The following TMEM145 variants were observed in gnomAD, a reference collection of about 807,000 sequenced individuals.
The protein encoded by TMEM145 is transmembrane protein 145.
TMEM145 carries 46 observed loss-of-function variants against 68.5 expected under a neutral mutation model. The observed-to-expected ratio is 0.67, with a 90% CI of 0.53 to 0.86. The LOEUF is 0.86. Ranked by LOEUF, TMEM145 falls within the 40% of genes least tolerant of loss-of-function variation. The pLI, the probability that TMEM145 is intolerant of heterozygous loss-of-function variation, is 0.00. For missense variants in TMEM145, 570 were observed against 645.8 expected (o/e 0.88, Z 1.27); for synonymous variants, 255 against 280.2 (o/e 0.91, Z 0.90).
rs554092170 is a variant in TMEM145 at position 42,324,841 on chromosome 19, G to T, written c.*24G>T. 4 of 1,526,508 alleles carry T rather than the reference G, an allele frequency of 2.6e-6. No homozygotes were observed. The South Asian group carries it at 3.7e-5, about 14-fold the overall frequency. The allele number at this position is 1,526,508 out of a possible 1,614,324, so 94.6% of individuals were successfully genotyped here. On this transcript the variant is annotated 3_prime_UTR_variant, in exon 15 of 15. Transcript: ENST00000301204. Reference sequence around the variant, plus strand: ...GACCCCGCTGGACTCCGGAACACCCGTGGTGACCGCCGGGACCCTGCCTGT... The same window carrying T: ...GACCCCGCTGGACTCCGGAACACCCTTGGTGACCGCCGGGACCCTGCCTGT...
At chr19:42,322,889 T>G (rs1599989994) in intron 13 of TMEM145, among the ~76,000 whole-genome samples, 1 of 152,034 alleles carries the variant, frequency 6.6e-6, no homozygotes, top group Non-Finnish European at 1.5e-5. Flanking sequence ...TTAGTAGAGA[T>G]GGAGTTTCAC....
chr19:42,315,179 A>C lies in TMEM145; in HGVS notation c.506-9A>C, dbSNP rs1302377058. The C allele has an allele frequency of 6.2e-7, 1 of 1,611,466 alleles. No homozygotes were observed. Among genetic ancestry groups the C allele is most frequent in the Non-Finnish European group, 8.5e-7 (1 of 1,178,132 alleles). The stretch of plus-strand genomic sequence containing the variant: ...TGAATGAACCTTACTCCTCCTACCA[A>C]ATCGGCAGGGATCCTGGAGACAGAT... On this transcript the variant is annotated splice_polypyrimidine_tract_variant and intron_variant, in intron 6 of 14. Transcript: ENST00000301204.
intron 14 of TMEM145, 147 bp downstream of exon 14, chr19:42,323,936 C>A: frequency 1.4e-6 from 1 of 707,868 alleles, no homozygotes; most frequent in Non-Finnish European, 2.2e-6. Flanking sequence ...CAACACCGCG[C>A]CGCGACCGTC....
chr19:42,315,541 C>A, intron 8 of TMEM145, 101 bp downstream of exon 8: 1 of 1,303,270 alleles, frequency 7.7e-7, no homozygotes, highest in Non-Finnish European at 1.1e-6. Context: ...ACTCCTGGGT[C>A]CTGGGGGAGG....
chr19:42,324,446 C>T, intron 14 of TMEM145: 6 of 985,418 alleles, frequency 6.1e-6, no homozygotes, highest in Non-Finnish European at 7.2e-6. Context: ...GCCGCTCGTG[C>T]CCCAGACGGC....
Position 42,320,426 on chromosome 19 carries a change from G to A in TMEM145, c.1183G>A (p.Gly395Ser), listed in dbSNP as rs2147421436. ...IQLGIHLYAH[G>S]VFLIMTRPSA... ...GCTGGGGATCCACTTGTACGCCCAT[G>A]GCGTGTTTCTGGTGAGGATGGGCAT... The change falls in exon 13 of 15, where the codon GGC becomes AGC. Residue 395 changes from glycine to serine, a missense_variant. Physicochemically the swap from Gly to Ser is moderately conservative, Grantham distance 56. Coordinates refer to ENST00000301204, the MANE Select transcript of TMEM145 (RefSeq NM_173633.3). The A allele has an allele frequency of 1.2e-6, 2 of 1,613,972 alleles. No homozygotes were observed. The highest frequency in any genetic ancestry group is 1.7e-6 in the Non-Finnish European group (2 of 1,180,020).
At chr19:42,319,679 C>A (rs1170931559) in intron 12 of TMEM145, among the ~76,000 whole-genome samples, 2 of 151,804 alleles carry the variant, frequency 1.3e-5, no homozygotes, top group Admixed American at 6.6e-5. Context: ...AACTCCTGAC[C>A]TCAGGTGATC....
chr19:42,324,989 C>A lies in TMEM145; in HGVS notation c.*172C>A. 8.9e-7 allele frequency: 1 copy of A among 1,121,620 alleles called. No homozygotes were observed. The highest frequency in any genetic ancestry group is 1.6e-5 in the African/African-American group (1 of 61,892). 69.5% of individuals were successfully genotyped at this position (1,121,620 alleles called of 1,614,324 possible). ...TCTGCCGCATCTCCATTCCGGGGGC[C>A]TTCCCTCGGGTCCCTGGCAGAAAGA... On this transcript the variant is annotated 3_prime_UTR_variant, in exon 15 of 15. Transcript: ENST00000301204.
At chr19:42,318,450 C>T (rs1030792919) in intron 12 of TMEM145, among the ~76,000 whole-genome samples, 1 of 151,224 alleles carries the variant, frequency 6.6e-6, no homozygotes, top group Non-Finnish European at 1.5e-5. Flanking sequence ...CTTTGGGAGG[C>T]CAAGGCGGGT....
Position 42,316,723 on chromosome 19 carries a change from G to T in TMEM145, c.789G>T (p.Lys263Asn). 1 of 1,613,700 alleles carries T rather than the reference G, an allele frequency of 6.2e-7. No homozygotes were observed. Among genetic ancestry groups the T allele is most frequent in the Non-Finnish European group, 8.5e-7 (1 of 1,179,990 alleles). ...TGCTGATGCTTATCCTCCTGGGGAA[G>T]GGATTCACGGTGACACGGTGCCCGG... ...IFLLMLILLG[K>N]GFTVTRGRIS... The change falls in exon 10 of 15, where the codon AAG becomes AAT. Residue 263 changes from lysine to asparagine, a missense_variant. Physicochemically the swap from Lys to Asn is moderately conservative, Grantham distance 94. Transcript: ENST00000301204.
chr19:42,318,367 C>CAAA (rs112206821), intron 12 of TMEM145, among the ~76,000 whole-genome samples: 3 of 66,864 alleles, frequency 4.5e-5, no homozygotes, highest in Non-Finnish European at 5.9e-5. Flanking sequence ...GACTCCATCT[C>CAAA]AAAAAAAAAA....
intron 13 of TMEM145, chr19:42,321,383 G>GT: frequency 7.2e-6 from 2 of 279,470 alleles, no homozygotes; most frequent in Non-Finnish European, 1.3e-5. Flanking sequence ...GCCCGGTTAA[G>GT]TGGTTTTTTT....
At chr19:42,317,647 TC>T (rs2038871546) in intron 11 of TMEM145, 61 bp from the exon 12 acceptor site, 1 of 1,576,274 alleles carries the variant, frequency 6.3e-7, no homozygotes, top group Admixed American at 1.7e-5. Flanking sequence ...AGGGGTGGGG[TC>T]CGGGGACCCT....
chr19:42,322,293 T>G (rs1264203289), intron 13 of TMEM145, among the ~76,000 whole-genome samples: 1 of 152,158 alleles, frequency 6.6e-6, no homozygotes, highest in Non-Finnish European at 1.5e-5. Context: ...ACCAGTGGTT[T>G]TCATTTCCAC....
chr19:42,320,821 G>A (rs1299230862), intron 13 of TMEM145, among the ~76,000 whole-genome samples: 1 of 152,038 alleles, frequency 6.6e-6, no homozygotes, highest in Non-Finnish European at 1.5e-5. Context: ...TAAAGGCAGG[G>A]TTTCACCATG....
chr19:42,320,876 G>A (rs572871201), intron 13 of TMEM145, among the ~76,000 whole-genome samples: 6 of 152,152 alleles, frequency 3.9e-5, no homozygotes, highest in Admixed American at 2.0e-4. Context: ...TGATCCACCC[G>A]TCTCAGCCTC....
chr19:42,316,364 A>G, intron 8 of TMEM145, 117 bp from the exon 9 acceptor site: 1 of 942,510 alleles, frequency 1.1e-6, no homozygotes, highest in Non-Finnish European at 1.7e-6. Context: ...TCGGGGTAGA[A>G]GGTCTGGAGT....
intron 11 of TMEM145, among the ~76,000 whole-genome samples, chr19:42,317,295 T>C (rs2038868681): frequency 6.6e-6 from 1 of 152,236 alleles, no homozygotes; most frequent in Non-Finnish European, 1.5e-5. Context: ...CCCCTGTCTC[T>C]GGGCCCATTT....
Position 42,316,867 on chromosome 19 carries a change from C to T in TMEM145, c.807-3C>T, listed in dbSNP as rs927931938. On this transcript the variant is annotated splice_region_variant and splice_polypyrimidine_tract_variant and intron_variant, in intron 10 of 14. Transcript: ENST00000301204. ...GCTGTCTCCCCTCATGGCCTGCTGCCAGGGGCCGCATCAGCCACGCGGGCT... is the reference window on the plus strand; with the variant it reads ...GCTGTCTCCCCTCATGGCCTGCTGCTAGGGGCCGCATCAGCCACGCGGGCT... The T allele has an allele frequency of 1.9e-6, 3 of 1,613,078 alleles. No individual in the cohort carries two copies. In the African/African-American group the frequency reaches 4.0e-5, roughly 22 times the overall value.
Sources: gnomAD v4.1 joint callset for allele counts (sites outside exome capture counted in the v4.1 genomes callset) on GRCh38, gnomAD v4.1.1 for gene constraint, MANE v1.5 for transcripts, NCBI Gene and HGNC (gene_info 2026-07-23, HGNC 2026-07-21) for gene names.